AOAH: variants seen among roughly 807,000 people sequenced by gnomAD.
The protein encoded by AOAH is acyloxyacyl hydrolase.
Under a neutral mutation model 92.2 loss-of-function variants are expected in AOAH, and 64 were observed. The observed-to-expected ratio is 0.69, with a 90% CI of 0.57 to 0.86. The LOEUF is 0.86. AOAH is among the 40% of genes least tolerant of loss of function. The probability of loss-of-function intolerance (pLI) is 0.00; values close to 1 mark genes in which losing one functional copy is unlikely to be tolerated. For synonymous variants in AOAH, 263 were observed against 254.5 expected, an observed-to-expected ratio of 1.03 and a Z score of -0.32; for missense variants, 656 against 694.6, an observed-to-expected ratio of 0.94 and a Z score of 0.62.
At chr7:36,651,664 G>T (rs1385740810) in intron 4 of AOAH, among the ~76,000 whole-genome samples, 1 of 152,188 alleles carries the variant, frequency 6.6e-6, no homozygotes, top group African/African-American at 2.4e-5. Context: ...ATGTGCTCCA[G>T]AATCTATGCT....
chr7:36,663,213 T>C (rs965364584), intron 3 of AOAH, among the ~76,000 whole-genome samples: 1 of 152,188 alleles, frequency 6.6e-6, no homozygotes, highest in Admixed American at 6.5e-5. Flanking sequence ...AATACAGAGA[T>C]GTCCCATTGA....
At chr7:36,688,772 G>A (rs1797195980) in intron 1 of AOAH, among the ~76,000 whole-genome samples, 1 of 151,436 alleles carries the variant, frequency 6.6e-6, no homozygotes, top group Non-Finnish European at 1.5e-5. Context: ...GGAGAATAAA[G>A]GCAAGAGACT....
chr7:36,620,316 A>G, intron 9 of AOAH, among the ~76,000 whole-genome samples: 1 of 152,068 alleles, frequency 6.6e-6, no homozygotes, highest in East Asian at 1.9e-4. Flanking sequence ...TTCATAGGAA[A>G]CTAGGACACC....
chr7:36,669,678 C>A (rs888382945), intron 3 of AOAH, among the ~76,000 whole-genome samples: 8 of 152,228 alleles, frequency 5.3e-5, no homozygotes, highest in African/African-American at 1.7e-4. Context: ...TCACAGAGTG[C>A]AGTGGCTCTG....
At chr7:36,623,444 C>T (rs1237561974) in intron 6 of AOAH, among the ~76,000 whole-genome samples, 194 bp from the exon 7 acceptor site, 1 of 152,140 alleles carries the variant, frequency 6.6e-6, no homozygotes, top group Admixed American at 6.5e-5. Context: ...GCTCTTTACC[C>T]AACAGAACTG....
At chr7:36,570,891 T>C (rs1266943231) in intron 13 of AOAH, among the ~76,000 whole-genome samples, 1 of 152,214 alleles carries the variant, frequency 6.6e-6, no homozygotes, top group East Asian at 1.9e-4. Context: ...GTGTTTTAGA[T>C]GTACAAGTCC....
intron 15 of AOAH, among the ~76,000 whole-genome samples, chr7:36,546,705 T>C (rs1785823858): frequency 6.6e-6 from 1 of 152,234 alleles, no homozygotes; most frequent in Non-Finnish European, 1.5e-5. Context: ...GTATAGTCAG[T>C]TTGCTCTCTG....
At position 36,678,600 on chromosome 7, in the gene AOAH, T is replaced by TGC. The variant is rs1554314414; in HGVS notation, c.224-4593_224-4592dup. Among the ~76,000 whole-genome samples the TGC allele has an allele frequency of 3.8e-3, 496 of 131,002 alleles. 6 individuals carry two copies. The highest frequency in any genetic ancestry group is 0.013 in the South Asian group (45 of 3,550). The allele number at this position is 131,002 out of a possible 152,430, so 85.9% of individuals were successfully genotyped here. A position where few individuals can be genotyped will look rare whatever the true frequency, so the allele number is the denominator to read the frequency against. ...GTGTGTGTGTGTGTGTGTGTGTGTG[T>TGC]GCGCGCGCGCGCGCGTTAGAATTCT... On this transcript the variant is annotated intron_variant, in intron 2 of 20. Coordinates refer to ENST00000617537, the MANE Select transcript of AOAH (RefSeq NM_001637.4).
intron 1 of AOAH, among the ~76,000 whole-genome samples, chr7:36,711,247 C>T (rs1187397931): frequency 6.6e-6 from 1 of 152,110 alleles, no homozygotes; most frequent in Non-Finnish European, 1.5e-5. Context: ...GAGGTGGGCA[C>T]ATTATAACTT....
chr7:36,585,235 T>C (rs1789233714), intron 12 of AOAH, among the ~76,000 whole-genome samples: 1 of 151,644 alleles, frequency 6.6e-6, no homozygotes, highest in Admixed American at 6.6e-5. Flanking sequence ...GGCGACTAGA[T>C]AGGACAAAGA....
intron 4 of AOAH, among the ~76,000 whole-genome samples, chr7:36,653,361 T>C (rs1794696096): frequency 6.6e-6 from 1 of 152,212 alleles, no homozygotes; most frequent in Non-Finnish European, 1.5e-5. Flanking sequence ...ACACCTAGTG[T>C]TTAAAAAATA....
At chr7:36,541,476 T>C (rs1785420105) in intron 15 of AOAH, among the ~76,000 whole-genome samples, 2 of 152,202 alleles carry the variant, frequency 1.3e-5, no homozygotes, top group East Asian at 1.9e-4. Flanking sequence ...TTTAAGCTGA[T>C]TGACTTATAT....
At chr7:36,627,232 ATGTAGAGAGGAAAAAAACGTTTCTAACTC>A (rs1333173340) in intron 6 of AOAH, among the ~76,000 whole-genome samples, 9 of 152,332 alleles carry the variant, frequency 5.9e-5, no homozygotes, top group Non-Finnish European at 1.3e-4. Flanking sequence ...CGGGTTGTGC[ATGTAGAGAGGAAAAAAACGTTTCTAACTC>A]TGTATAGCAG....
chr7:36,546,802 A>G (rs1430865891), intron 15 of AOAH, among the ~76,000 whole-genome samples: 1 of 152,210 alleles, frequency 6.6e-6, no homozygotes, highest in Non-Finnish European at 1.5e-5. Context: ...TGGCAGCTAG[A>G]GCCTGAAGCA....
At chr7:36,713,741 T>A (rs1421131418) in intron 1 of AOAH, among the ~76,000 whole-genome samples, 7 of 151,574 alleles carry the variant, frequency 4.6e-5, no homozygotes, top group South Asian at 2.1e-4. Context: ...GTACATAACA[T>A]AATGAAGGCA....
intron 13 of AOAH, among the ~76,000 whole-genome samples, chr7:36,564,035 G>C (rs932285859): frequency 1.3e-5 from 2 of 152,134 alleles, no homozygotes; most frequent in Non-Finnish European, 2.9e-5. Context: ...CCTTCCCACA[G>C]TAGCTGTGAT....
intron 4 of AOAH, among the ~76,000 whole-genome samples, chr7:36,652,605 G>A (rs1426275963): frequency 6.6e-6 from 1 of 152,192 alleles, no homozygotes; most frequent in Non-Finnish European, 1.5e-5. Context: ...GTGATGAAGG[G>A]TGATCTCACC....
intron 3 of AOAH, among the ~76,000 whole-genome samples, chr7:36,661,509 C>A (rs1250889357): frequency 6.6e-6 from 1 of 152,186 alleles, no homozygotes; most frequent in African/African-American, 2.4e-5. Flanking sequence ...TTTTCCTGAC[C>A]TTTAGTCCCC....
In AOAH at chr7:36,532,186, C is replaced by T. The variant is rs1203480719; in HGVS notation, c.1386G>A (p.Trp462Ter). ...NCLQVSPCHG[W>*]MSSNKTLRTL... ...TCCGCAACGTCTTGTTGGAAGACAT[C>T]CAGCCGTGGCAGGGGCTGACCTGAG... The change falls in exon 18 of 21, where the codon TGG becomes TGA. Residue 462 changes from tryptophan (W) to a stop codon, truncating the protein, a stop_gained. Transcript: ENST00000617537. LOFTEE classifies it high-confidence loss of function. The T allele has an allele frequency of 6.2e-7, 1 of 1,614,074 alleles. No individual in the cohort carries two copies. Among genetic ancestry groups the T allele is most frequent in the African/African-American group, 1.3e-5 (1 of 74,918 alleles).
Sources: allele counts gnomAD v4.1 joint callset (sites outside exome capture counted in the v4.1 genomes callset), GRCh38; gene constraint gnomAD v4.1.1; transcripts MANE v1.5; gene names NCBI Gene and HGNC (gene_info 2026-07-23, HGNC 2026-07-21).